Variants in VPS26C observed in about 807,000 individuals in gnomAD.
The protein encoded by VPS26C is VPS26 endosomal protein sorting factor C.
Under a neutral mutation model 30.6 loss-of-function variants are expected in VPS26C, and 19 were observed. That is an observed-to-expected ratio of 0.62 (90% CI 0.43 to 0.91). VPS26C has a LOEUF of 0.91. Ranked by LOEUF, VPS26C falls within the 40% of genes least tolerant of loss-of-function variation. The pLI, the probability that VPS26C is intolerant of heterozygous loss-of-function variation, is 0.00. For missense variants in VPS26C, 318 were observed against 385.1 expected (o/e 0.83, Z 1.46); for synonymous variants, 132 against 151.5 (o/e 0.87, Z 0.95).
intron 1 of VPS26C, among the ~76,000 whole-genome samples, chr21:37,255,851 ATTT>A (rs375877407): frequency 6.2e-4 from 67 of 108,450 alleles, no homozygotes; most frequent in South Asian, 3.0e-3. Context: ...TATGCACTGC[ATTT>A]TTTTTTTTTT....
At chr21:37,242,367 C>T (rs2086095957) in intron 1 of VPS26C, among the ~76,000 whole-genome samples, 1 of 152,132 alleles carries the variant, frequency 6.6e-6, no homozygotes, top group South Asian at 2.1e-4. Context: ...GAGGCTAAGG[C>T]AGGAGGATCA....
chr21:37,246,862 A>G (rs1414823279), intron 1 of VPS26C, among the ~76,000 whole-genome samples: 1 of 152,178 alleles, frequency 6.6e-6, no homozygotes, highest in Non-Finnish European at 1.5e-5. Flanking sequence ...GGCTCCAGTG[A>G]TCCTCCTGCC....
intron 1 of VPS26C, among the ~76,000 whole-genome samples, chr21:37,253,199 A>ATGTAATATCAATAT (rs2086211248): frequency 6.6e-6 from 1 of 152,244 alleles, no homozygotes; most frequent in Non-Finnish European, 1.5e-5. Flanking sequence ...CATGGCTTAC[A>ATGTAATATCAATAT]TACATGTGCT....
rs1394748429 is a variant in VPS26C at position 37,233,196 on chromosome 21, C to T, written c.432+166G>A. 39 of 631,476 alleles carry T rather than the reference C, an allele frequency of 6.2e-5. No homozygotes were observed. Among genetic ancestry groups the T allele is most frequent in the East Asian group, 6.1e-4 (22 of 35,776 alleles). 39.1% of individuals were successfully genotyped at this position (631,476 alleles called of 1,614,324 possible). A position where few individuals can be genotyped will look rare whatever the true frequency, so the allele number is the denominator to read the frequency against. ...TCTGGGCCCAGGACAATGATGCACA[C>T]GTGATGCGCATGCCACCGACTGTCT... On this transcript the variant is annotated intron_variant, in intron 4 of 7. Transcript: ENST00000309117. This position sits in a 1 kb window ranked among gnomAD's most constrained non-coding sequence, Gnocchi z 5.2.
chr21:37,225,928 G>C, intron 7 of VPS26C: 1 of 433,660 alleles, frequency 2.3e-6, no homozygotes, highest in East Asian at 3.9e-5. Flanking sequence ...TTCCTAAAAA[G>C]GATATTCTAG....
At chr21:37,241,856 G>A (rs1433873914) in intron 1 of VPS26C, among the ~76,000 whole-genome samples, 1 of 152,108 alleles carries the variant, frequency 6.6e-6, no homozygotes, top group Non-Finnish European at 1.5e-5. Flanking sequence ...TTGGCCTGCA[G>A]ATCAAACCAT....
At chr21:37,240,190 A>G (rs1362187882) in intron 2 of VPS26C, among the ~76,000 whole-genome samples, 5 of 151,950 alleles carry the variant, frequency 3.3e-5, no homozygotes, top group Admixed American at 6.5e-5. Context: ...TGCTGTGATC[A>G]TAGCTCACTG....
chr21:37,246,287 G>A (rs1434465993), intron 1 of VPS26C, among the ~76,000 whole-genome samples: 2 of 151,982 alleles, frequency 1.3e-5, no homozygotes, highest in Admixed American at 6.6e-5. Context: ...TTTCTCCATA[G>A]CAAAATGGAA....
At chr21:37,227,533 A>T in intron 7 of VPS26C, 121 bp downstream of exon 7, 1 of 1,141,974 alleles carries the variant, frequency 8.8e-7, no homozygotes, top group Non-Finnish European at 1.3e-6. Context: ...GGCCTGTGGC[A>T]GGCCCTGGCA....
chr21:37,258,354 AC>A (rs199875429), intron 1 of VPS26C, among the ~76,000 whole-genome samples: 1 of 132,260 alleles, frequency 7.6e-6, no homozygotes, highest in Non-Finnish European at 1.7e-5. Context: ...CACAGCCGCA[AC>A]CCCTCTTTTC....
At chr21:37,232,632 C>G (rs2085977922) in intron 4 of VPS26C, 181 bp from the exon 5 acceptor site, 1 of 608,728 alleles carries the variant, frequency 1.6e-6, no homozygotes. Context: ...CTTGCTGAAA[C>G]TCAGTTTCCT....
Position 37,228,207 on chromosome 21 carries a change from G to C in VPS26C, c.658+16C>G. ...GGGGGACAGGCAAGCGCCAGGCCTG[G>C]TGGCACGGCCCTCACCGCACGTCTC... On this transcript the variant is annotated intron_variant, in intron 6 of 7. Transcript: ENST00000309117. The C allele has an allele frequency of 6.2e-7, 1 of 1,607,634 alleles. No homozygotes were observed. The highest frequency in any genetic ancestry group is 8.5e-7 in the Non-Finnish European group (1 of 1,179,528).
At position 37,255,851 on chromosome 21, in the gene VPS26C, A is replaced by ATTTTTTTTTTTTTTTTTTTTTTTTTT. The variant is rs375877407; in HGVS notation, c.57+11386_57+11387insAAAAAAAAAAAAAAAAAAAAAAAAAA. Reference sequence around the variant, plus strand: ...TTTAAAGCCTCATTCTATGCACTGCATTTTTTTTTTTTTTTTTTTTTAGAT... The same window carrying ATTTTTTTTTTTTTTTTTTTTTTTTTT: ...TTTAAAGCCTCATTCTATGCACTGCATTTTTTTTTTTTTTTTTTTTTTTTTTTTTTTTTTTTTTTTTTTTTTTAGAT... On this transcript the variant is annotated intron_variant, in intron 1 of 7. Transcript: ENST00000309117. Among the ~76,000 whole-genome samples, 16 of 108,460 alleles carry ATTTTTTTTTTTTTTTTTTTTTTTTTT rather than the reference A, an allele frequency of 1.5e-4. 3 individuals carry two copies. Among genetic ancestry groups the ATTTTTTTTTTTTTTTTTTTTTTTTTT allele is most frequent in the African/African-American group, 7.3e-4 (16 of 21,886 alleles). The allele number at this position is 108,460 out of a possible 152,430, so 71.2% of individuals were successfully genotyped here.
At chr21:37,247,106 A>C (rs1277183551) in intron 1 of VPS26C, among the ~76,000 whole-genome samples, 3 of 152,096 alleles carry the variant, frequency 2.0e-5, no homozygotes, top group Non-Finnish European at 2.9e-5. Context: ...TGAAACTTAA[A>C]CTTATATTAA....
chr21:37,229,475 T>C (rs1356727408), intron 5 of VPS26C: 1 of 152,208 alleles, frequency 6.6e-6, no homozygotes, highest in Non-Finnish European at 1.5e-5. Flanking sequence ...AAGGATCAGA[T>C]ATTGGCATAC....
intron 1 of VPS26C, among the ~76,000 whole-genome samples, chr21:37,264,824 TA>T (rs1191527291): frequency 6.6e-6 from 1 of 152,208 alleles, no homozygotes; most frequent in Admixed American, 6.5e-5. Context: ...TCCTCTCACA[TA>T]AAAACTTGTA....
Position 37,226,208 on chromosome 21 carries a change from AGAGG to A in VPS26C, c.812-586_812-583del. On this transcript the variant is annotated intron_variant, in intron 7 of 7. Transcript: ENST00000309117. This position sits in a 1 kb window ranked among gnomAD's most constrained non-coding sequence, Gnocchi z 4.1. ...ATCCTAACAAAAGGGATGTGTGTGA[AGAGG>A]AAGCACCTGACGACAAACAAGCACC... 6.5e-6 allele frequency: 1 copy of A among 154,328 alleles called. No homozygotes were observed. Among genetic ancestry groups the A allele is most frequent in the Admixed American group, 6.4e-5 (1 of 15,742 alleles). The allele number at this position is 154,328 out of a possible 1,614,324, so 9.6% of individuals were successfully genotyped here.
At chr21:37,240,351 C>G in intron 2 of VPS26C, 145 bp downstream of exon 2, 1 of 842,274 alleles carries the variant, frequency 1.2e-6, no homozygotes. Context: ...TCTCAAACTC[C>G]TGGGCTCAAG....
At chr21:37,259,408 G>T (rs1219071925) in intron 1 of VPS26C, among the ~76,000 whole-genome samples, 7 of 151,770 alleles carry the variant, frequency 4.6e-5, no homozygotes, top group Non-Finnish European at 8.8e-5. Flanking sequence ...CTATGCTGGG[G>T]AGTAAATCTC....
Sources: allele counts gnomAD v4.1 joint callset (sites outside exome capture counted in the v4.1 genomes callset), GRCh38; gene constraint gnomAD v4.1.1; non-coding constraint Gnocchi (gnomAD v3.1); transcripts MANE v1.5; gene names NCBI Gene and HGNC (gene_info 2026-07-23, HGNC 2026-07-21).